CRPPA: variants seen among roughly 807,000 people sequenced by gnomAD.
CRPPA encodes the protein D-ribitol-5-phosphate cytidylyltransferase.
A neutral mutation model predicts 52.0 loss-of-function variants in CRPPA; 43 were observed. The observed-to-expected ratio is 0.83, with a 90% confidence interval of 0.65 to 1.07. The LOEUF is 1.07. Ranked by LOEUF, CRPPA falls within the 50% of genes least tolerant of loss-of-function variation. The pLI is 0.00. For synonymous variants in CRPPA, 250 were observed against 203.5 expected, an observed-to-expected ratio of 1.23 and a Z score of -1.94; for missense variants, 629 against 551.7, an observed-to-expected ratio of 1.14 and a Z score of -1.40.
rs1262434535 is a variant in CRPPA, at chr7:16,089,441, G to A, written c.*2254C>T. ...CGTACATACATATATGTGTATATATGTACGTGCATACATATATGTGTATAT... is the reference window on the plus strand; with the variant it reads ...CGTACATACATATATGTGTATATATATACGTGCATACATATATGTGTATAT... On this transcript the variant is annotated 3_prime_UTR_variant, in exon 10 of 10. Coordinates refer to ENST00000407010, the MANE Select transcript of CRPPA (RefSeq NM_001101426.4). 2.9e-6 allele frequency: 1 copy of A among 342,988 alleles called. No homozygotes were observed. Among genetic ancestry groups the A allele is most frequent in the East Asian group, 7.7e-5 (1 of 12,936 alleles). The allele number at this position is 342,988 out of a possible 1,614,324, so 21.2% of individuals were successfully genotyped here.
intron 8 of CRPPA, among the ~76,000 whole-genome samples, chr7:16,223,730 T>G (rs909346626): frequency 3.9e-5 from 6 of 152,146 alleles, no homozygotes; most frequent in African/African-American, 1.4e-4. Context: ...CAGCAGAGGG[T>G]TGCAAAATGG....
intron 2 of CRPPA, among the ~76,000 whole-genome samples, chr7:16,377,508 C>T (rs1786926111): frequency 6.6e-6 from 1 of 152,124 alleles, no homozygotes; most frequent in African/African-American, 2.4e-5. Flanking sequence ...TCCAAAATGC[C>T]AATGCAAGGA....
At chr7:16,336,354 T>A (rs1785679762) in intron 3 of CRPPA, among the ~76,000 whole-genome samples, 1 of 152,018 alleles carries the variant, frequency 6.6e-6, no homozygotes, top group South Asian at 2.1e-4. Flanking sequence ...GACATCAAAA[T>A]AAGAGAAAGG....
chr7:16,192,866 G>C (rs554115076), intron 9 of CRPPA, among the ~76,000 whole-genome samples: 131 of 152,198 alleles, frequency 8.6e-4, no homozygotes, highest in African/African-American at 2.9e-3. Context: ...TCAAAAATCA[G>C]TTGTCTATAT....
chr7:16,198,734 T>C (rs1562552063), intron 9 of CRPPA, among the ~76,000 whole-genome samples: 1 of 150,724 alleles, frequency 6.6e-6, no homozygotes, highest in Non-Finnish European at 1.5e-5. Context: ...ATTTTTTTTT[T>C]TTAAGAAACG....
At chr7:16,170,229 A>G (rs1224694680) in intron 9 of CRPPA, among the ~76,000 whole-genome samples, 1 of 152,204 alleles carries the variant, frequency 6.6e-6, no homozygotes, top group African/African-American at 2.4e-5. Context: ...CAGAGAGTAA[A>G]CGATTACAAT....
chr7:16,189,547 A>T (rs1227699046), intron 9 of CRPPA, among the ~76,000 whole-genome samples: 1 of 152,218 alleles, frequency 6.6e-6, no homozygotes, highest in African/African-American at 2.4e-5. Context: ...TCAGGAACAA[A>T]GCCAAAGGCT....
chr7:16,180,524 G>T (rs1389444213), intron 9 of CRPPA, among the ~76,000 whole-genome samples: 1 of 151,978 alleles, frequency 6.6e-6, no homozygotes, highest in Non-Finnish European at 1.5e-5. Context: ...GGCATAAGTG[G>T]TTGCTAATTT....
chr7:16,318,492 A>T (rs1287842357), intron 3 of CRPPA, among the ~76,000 whole-genome samples: 1 of 152,114 alleles, frequency 6.6e-6, no homozygotes, highest in African/African-American at 2.4e-5. Flanking sequence ...ATATGTAACA[A>T]TTTTTGCTGA....
intron 5 of CRPPA, among the ~76,000 whole-genome samples, chr7:16,288,330 T>C (rs1784491035): frequency 6.6e-6 from 1 of 152,014 alleles, no homozygotes; most frequent in Non-Finnish European, 1.5e-5. Context: ...TTCAAGCCAG[T>C]AACAACTATC....
At chr7:16,403,197 G>C (rs913614758) in intron 2 of CRPPA, among the ~76,000 whole-genome samples, 1 of 152,142 alleles carries the variant, frequency 6.6e-6, no homozygotes, top group Non-Finnish European at 1.5e-5. Context: ...CATCATTAAA[G>C]TAAGACAGAA....
intron 3 of CRPPA, among the ~76,000 whole-genome samples, chr7:16,375,057 C>T (rs1160574988): frequency 3.3e-5 from 5 of 152,166 alleles, no homozygotes; most frequent in African/African-American, 4.8e-5. Context: ...GGCAATTAGA[C>T]ATCTGTGACC....
chr7:16,244,840 C>A (rs1783225388), intron 8 of CRPPA, among the ~76,000 whole-genome samples: 1 of 152,058 alleles, frequency 6.6e-6, no homozygotes, highest in Non-Finnish European at 1.5e-5. Flanking sequence ...GACAAAATGG[C>A]CTTTAAACAT....
intron 2 of CRPPA, among the ~76,000 whole-genome samples, chr7:16,381,270 G>A (rs1447357133): frequency 1.3e-5 from 2 of 152,286 alleles, no homozygotes; most frequent in South Asian, 4.1e-4. Flanking sequence ...TTCCGGAGCA[G>A]GTTGTTCAGT....
rs528787447 is a variant in CRPPA, at chr7:16,388,906, C to T, written c.535-12665G>A. Among the ~76,000 whole-genome samples the T allele has an allele frequency of 1.9e-4, 29 of 149,772 alleles. No homozygotes were observed. In the South Asian group the frequency reaches 5.9e-3, roughly 30 times the overall value. ...AACAAAAACAGTTCACAACCTTTGA[C>T]GAAAAAAAAAGGCAAATTAATAAAA... On this transcript the variant is annotated intron_variant, in intron 2 of 9. Coordinates refer to ENST00000407010, the MANE Select transcript of CRPPA (RefSeq NM_001101426.4).
At chr7:16,157,010 T>C (rs539154245) in intron 9 of CRPPA, among the ~76,000 whole-genome samples, 1 of 151,220 alleles carries the variant, frequency 6.6e-6, no homozygotes, top group East Asian at 1.9e-4. Context: ...GTTATTGTTG[T>C]TTTTTGTTTT....
intron 3 of CRPPA, among the ~76,000 whole-genome samples, chr7:16,359,899 A>T (rs936605412): frequency 1.3e-5 from 2 of 152,140 alleles, no homozygotes; most frequent in African/African-American, 4.8e-5. Flanking sequence ...CCAGAATCCT[A>T]CTTTTCCAAT....
At chr7:16,145,696 A>G (rs1384805357) in intron 9 of CRPPA, among the ~76,000 whole-genome samples, 5 of 152,066 alleles carry the variant, frequency 3.3e-5, no homozygotes, top group Non-Finnish European at 7.4e-5. Context: ...GAAATAAACA[A>G]ACAGAGATCT....
intron 8 of CRPPA, among the ~76,000 whole-genome samples, chr7:16,236,175 T>G (rs1369143009): frequency 6.6e-6 from 1 of 152,126 alleles, no homozygotes; most frequent in African/African-American, 2.4e-5. Context: ...AGTCATTCTA[T>G]AAATACATTA....
Sources: allele counts gnomAD v4.1 joint callset (sites outside exome capture counted in the v4.1 genomes callset), GRCh38; gene constraint gnomAD v4.1.1; transcripts MANE v1.5; gene names NCBI Gene and HGNC (gene_info 2026-07-23, HGNC 2026-07-21).